SF3B1: variants seen among roughly 807,000 people sequenced by gnomAD.
The protein encoded by SF3B1 is splicing factor 3b subunit 1.
SF3B1 carries 12 observed loss-of-function variants against 153.8 expected under a neutral mutation model. That is an observed-to-expected ratio of 0.08 (90% CI 0.05 to 0.13). The LOEUF is 0.13. Ranked by LOEUF, SF3B1 falls within the 10% of genes least tolerant of loss-of-function variation. The pLI, the probability that SF3B1 is intolerant of heterozygous loss-of-function variation, is 1.00. For synonymous variants in SF3B1, 498 were observed against 525.2 expected (o/e 0.95, Z 0.71); for missense variants, 513 against 1,606.1 (o/e 0.32, Z 11.63).
At chr2:197,404,580 AAT>A (rs1559266910) in intron 11 of SF3B1, 1 of 152,404 alleles carries the variant, frequency 6.6e-6, no homozygotes, top group Non-Finnish European at 1.5e-5. Flanking sequence ...CTGTCTCAAA[AAT>A]ATATATATAA....
rs558011981 is a variant in SF3B1 at position 197,416,300 on chromosome 2, T to G, written c.666+441A>C. Among the ~76,000 whole-genome samples the G allele has an allele frequency of 3.9e-5, 6 of 152,308 alleles. No individual in the cohort carries two copies. In the South Asian group the frequency reaches 1.2e-3, roughly 32 times the overall value. On this transcript the variant is annotated intron_variant, in intron 6 of 24. Transcript: ENST00000335508. Reference sequence around the variant, plus strand: ...CATACCTACAGGTCTGTATTTAATATTCTAAAAAGAACTTTCCTTATTCCA... The same window carrying G: ...CATACCTACAGGTCTGTATTTAATAGTCTAAAAAGAACTTTCCTTATTCCA...
At chr2:197,418,327 A>G (rs563620906) in intron 5 of SF3B1, among the ~76,000 whole-genome samples, 182 bp downstream of exon 5, 122 of 151,142 alleles carry the variant, frequency 8.1e-4, no homozygotes, top group African/African-American at 2.8e-3. Context: ...AGAAAAGGAT[A>G]TAGAAATGAA....
chr2:197,421,358 T>C (rs932173901), intron 2 of SF3B1, among the ~76,000 whole-genome samples: 2 of 152,242 alleles, frequency 1.3e-5, no homozygotes, highest in Non-Finnish European at 2.9e-5. Flanking sequence ...AAGCAAGGAA[T>C]ATTTTCTATA....
rs1407786245 is a variant in SF3B1, at chr2:197,392,393, A to C, written c.3825T>G (p.Gly1275=). The part of the protein sequence containing the change: ...YWKIYNSIYI[G]SQDALIAHYP... ...AATGTGCTATGAGAGCGTCCTGGGA[A>C]CCAATGTAGATGGAGTTGTAAATTT... The change falls in exon 25 of 25, where the codon GGT becomes GGG. Residue 1275 remains glycine, a synonymous_variant. Transcript: ENST00000335508. 1.2e-6 allele frequency: 2 copies of C among 1,612,654 alleles called. No homozygotes were observed. Among genetic ancestry groups the C allele is most frequent in the Non-Finnish European group, 1.7e-6 (2 of 1,178,792 alleles).
chr2:197,397,934 A>G lies in SF3B1; in HGVS notation c.3266+51T>C, dbSNP rs370799750. 11 of 1,379,800 alleles carry G rather than the reference A, an allele frequency of 8.0e-6. No individual in the cohort carries two copies. In the African/African-American group the frequency reaches 8.7e-5, roughly 11 times the overall value. 85.5% of individuals were successfully genotyped at this position (1,379,800 alleles called of 1,614,324 possible). ...CATGGAAGTATTTTCCAATACCACAATGCATTTATTATAAAGTAATTTTTT... is the reference window on the plus strand; with the variant it reads ...CATGGAAGTATTTTCCAATACCACAGTGCATTTATTATAAAGTAATTTTTT... On this transcript the variant is annotated intron_variant, in intron 22 of 24. Coordinates refer to ENST00000335508, the MANE Select transcript of SF3B1 (RefSeq NM_012433.4).
At chr2:197,412,826 A>C (rs1169990037) in intron 6 of SF3B1, among the ~76,000 whole-genome samples, 2 of 150,426 alleles carry the variant, frequency 1.3e-5, no homozygotes, top group Non-Finnish European at 3.0e-5. Flanking sequence ...CTCTACTAAA[A>C]GTTAGCCAGG....
At chr2:197,403,890 T>C in intron 11 of SF3B1, 126 bp from the exon 12 acceptor site, 2 of 654,560 alleles carry the variant, frequency 3.1e-6, no homozygotes, top group Admixed American at 3.9e-5. Flanking sequence ...ACATTTTACA[T>C]AGACAGCATG....
chr2:197,421,454 G>C (rs1013270759), intron 2 of SF3B1, among the ~76,000 whole-genome samples: 2 of 152,098 alleles, frequency 1.3e-5, no homozygotes, highest in Admixed American at 6.5e-5. Context: ...TTTTCAATTT[G>C]ATAACTACAG....
Position 197,402,430 on chromosome 2 carries a change from C to T in SF3B1, c.2077+126G>A. ...CAGGCTGTGTGTGTACCTCTAGTCC[C>T]AACTACTAAGGAGGCTGAGCAGGAG... is the stretch of plus-strand genomic sequence containing the variant. On this transcript the variant is annotated intron_variant, in intron 14 of 24. Coordinates refer to ENST00000335508, the MANE Select transcript of SF3B1 (RefSeq NM_012433.4). This position sits in a 1 kb window ranked among gnomAD's most constrained non-coding sequence, Gnocchi z 4.6. The T allele has an allele frequency of 4.8e-6, 4 of 838,658 alleles. No individual in the cohort carries two copies. In the East Asian group the frequency reaches 8.0e-5, roughly 17 times the overall value. 52.0% of individuals were successfully genotyped at this position (838,658 alleles called of 1,614,324 possible).
At chr2:197,433,202 G>A (rs1467083699) in intron 1 of SF3B1, among the ~76,000 whole-genome samples, 3 of 152,228 alleles carry the variant, frequency 2.0e-5, no homozygotes, top group African/African-American at 7.2e-5. Flanking sequence ...ATCCCATAGG[G>A]ATGGGCACAG....
chr2:197,395,908 G>A lies in SF3B1; in HGVS notation c.3539+148C>T, dbSNP rs60695208. On this transcript the variant is annotated intron_variant, in intron 23 of 24. Coordinates refer to ENST00000335508, the MANE Select transcript of SF3B1 (RefSeq NM_012433.4). Reference sequence around the variant, plus strand: ...CGTGCACATTATTTTAAAATAATAAGTCATATTTACAATGTCCTAAGACTC... The same window carrying A: ...CGTGCACATTATTTTAAAATAATAAATCATATTTACAATGTCCTAAGACTC... 7.7e-3 allele frequency: 4,783 copies of A among 621,842 alleles called. 163 individuals are homozygous for A. The African/African-American group carries it at 0.08, about 10-fold the overall frequency. The allele number at this position is 621,842 out of a possible 1,614,324, so 38.5% of individuals were successfully genotyped here. A position where few individuals can be genotyped will look rare whatever the true frequency, so the allele number is the denominator to read the frequency against.
chr2:197,418,979 A>G, intron 4 of SF3B1: 2 of 1,522,872 alleles, frequency 1.3e-6, no homozygotes, highest in Non-Finnish European at 1.8e-6. Flanking sequence ...TACCATTAGT[A>G]ACACTTTGGA....
intron 1 of SF3B1, among the ~76,000 whole-genome samples, chr2:197,431,010 A>G (rs1023655221): frequency 6.6e-6 from 1 of 151,884 alleles, no homozygotes; most frequent in African/African-American, 2.4e-5. Flanking sequence ...AAAACAATTC[A>G]TATCACTGAT....
chr2:197,395,206 A>T (rs1000044158), intron 23 of SF3B1, among the ~76,000 whole-genome samples: 6 of 152,188 alleles, frequency 3.9e-5, no homozygotes, highest in African/African-American at 1.4e-4. Flanking sequence ...ACTTCTCACT[A>T]AGGAATACAG....
At chr2:197,429,835 A>C (rs1271680705) in intron 1 of SF3B1, among the ~76,000 whole-genome samples, 2 of 152,138 alleles carry the variant, frequency 1.3e-5, no homozygotes, top group African/African-American at 2.4e-5. Flanking sequence ...CTAAACCTGA[A>C]GTATGATTTC....
At position 197,405,047 on chromosome 2, in the gene SF3B1, A is replaced by T. The variant is rs750012637; in HGVS notation, c.1539+29T>A. The T allele has an allele frequency of 8.4e-6, 12 of 1,423,612 alleles. No individual in the cohort carries two copies. The African/African-American group carries it at 1.6e-4, about 19-fold the overall frequency. 88.2% of individuals were successfully genotyped at this position (1,423,612 alleles called of 1,614,324 possible). A position where few individuals can be genotyped will look rare whatever the true frequency, so the allele number is the denominator to read the frequency against. ...TTTTAATTAAATAAATAAGCAACAA[A>T]CATGACAATTTAACAAACTGGGACT... On this transcript the variant is annotated intron_variant, in intron 11 of 24. Transcript: ENST00000335508.
At chr2:197,393,455 C>CTTTT in intron 23 of SF3B1, 6 of 310,984 alleles carry the variant, frequency 1.9e-5, no homozygotes, top group South Asian at 3.9e-5. Flanking sequence ...TTCTAATTAA[C>CTTTT]TTTTTTTTTT....
chr2:197,409,850 C>T lies in SF3B1; in HGVS notation c.824G>A (p.Gly275Asp). 1 of 1,614,128 alleles carries T rather than the reference C, an allele frequency of 6.2e-7. No homozygotes were observed. Among genetic ancestry groups the T allele is most frequent in the Non-Finnish European group, 8.5e-7 (1 of 1,180,014 alleles). The stretch of plus-strand genomic sequence containing the variant: ...GCCTCCATGGCCTGGTGTCGCATGG[C>T]CTGGTGTATCACCTCGTCCAGGAGT... ...AATPGRGDTP[G>D]HATPGHGGAT... The change falls in exon 7 of 25, where the codon GGC (glycine) becomes GAC (aspartate). Residue 275 changes from glycine to aspartate, a missense_variant. Gly to Asp is a moderately conservative substitution (Grantham distance 94). Around this residue, in one of 21 missense-constraint regions of SF3B1, gnomAD observed 91 missense variants for 157.4 expected, o/e 0.58. Coordinates refer to ENST00000335508, the MANE Select transcript of SF3B1 (RefSeq NM_012433.4).
chr2:197,422,859 C>G (rs1312984113), intron 2 of SF3B1, among the ~76,000 whole-genome samples: 1 of 151,390 alleles, frequency 6.6e-6, no homozygotes, highest in Non-Finnish European at 1.5e-5. Context: ...CACTGCATTC[C>G]AGCCTGGGCA....
Sources: allele counts gnomAD v4.1 joint callset (sites outside exome capture counted in the v4.1 genomes callset), GRCh38; gene constraint gnomAD v4.1.1; regional missense constraint gnomAD v4.1.1; non-coding constraint Gnocchi (gnomAD v3.1); transcripts MANE v1.5; gene names NCBI Gene and HGNC (gene_info 2026-07-23, HGNC 2026-07-21).